TRAF3IP2: variants seen among roughly 807,000 people sequenced by gnomAD.
The protein encoded by TRAF3IP2 is TRAF3 interacting protein 2.
TRAF3IP2 carries 35 observed loss-of-function variants against 57.9 expected under a neutral mutation model. That is an observed-to-expected ratio of 0.60 (90% CI 0.46 to 0.80). The LOEUF is 0.80. TRAF3IP2 is among the 30% of genes least tolerant of loss of function. The probability of loss-of-function intolerance (pLI) is 0.00; values close to 1 mark genes in which losing one functional copy is unlikely to be tolerated. For synonymous variants in TRAF3IP2, 251 were observed against 268.9 expected (o/e 0.93, Z 0.65); for missense variants, 556 against 706.4 (o/e 0.79, Z 2.41).
At chr6:111,581,226 C>T (rs1483086735) in intron 2 of TRAF3IP2, among the ~76,000 whole-genome samples, 1 of 152,174 alleles carries the variant, frequency 6.6e-6, no homozygotes. Flanking sequence ...ATGCAGGGAA[C>T]CAAGTAAGGG....
At chr6:111,596,814 G>A (rs891861918) in intron 1 of TRAF3IP2, among the ~76,000 whole-genome samples, 15 of 152,122 alleles carry the variant, frequency 9.9e-5, no homozygotes, top group African/African-American at 3.6e-4. Flanking sequence ...ACCCAAACTG[G>A]TATTGAACTC....
intron 1 of TRAF3IP2, among the ~76,000 whole-genome samples, chr6:111,598,475 G>A (rs1308040386): frequency 2.0e-5 from 3 of 152,188 alleles, no homozygotes; most frequent in African/African-American, 7.2e-5. Context: ...TAGTATATCT[G>A]TACAATGAGC....
chr6:111,591,521 C>T lies in TRAF3IP2; in HGVS notation c.566G>A (p.Gly189Asp), dbSNP rs138401155. 47 of 1,613,836 alleles carry T rather than the reference C, an allele frequency of 2.9e-5. No homozygotes were observed. In the African/African-American group the frequency reaches 4.9e-4, roughly 17 times the overall value. ...CGTGTCTATGGTTGGCAGATCCAGG[C>T]CTGCTCGGTTCCTGTGAGGCTGGGG... Reference protein sequence around the residue: ...QRPQPHRNRAGLDLPTIDTGY... With the variant: ...QRPQPHRNRADLDLPTIDTGY... The change falls in exon 2 of 9, where the codon GGC (glycine) becomes GAC (aspartate). Residue 189 changes from glycine to aspartate, a missense_variant. Physicochemically the swap from Gly to Asp is moderately conservative, Grantham distance 94. Coordinates refer to ENST00000368761, the MANE Select transcript of TRAF3IP2 (RefSeq NM_147686.4). This position sits in a 1 kb window ranked among gnomAD's most constrained non-coding sequence, Gnocchi z 4.9.
Position 111,567,645 on chromosome 6 carries a change from C to T in TRAF3IP2, c.1338G>A (p.Trp446Ter). 1 of 1,610,202 alleles carries T rather than the reference C, an allele frequency of 6.2e-7. No homozygotes were observed. The highest frequency in any genetic ancestry group is 8.5e-7 in the Non-Finnish European group (1 of 1,178,582). ...TTACATCCCTAAGGTAGCGCTCCAT[C>T]CATTTAATGATATCAATGCCTCGGA... ...DRIRGIDIIK[W>*]MERYLRDKTV... The change falls in exon 6 of 9, where the codon TGG becomes TGA. Residue 446 changes from tryptophan (W) to a stop codon, truncating the protein, a stop_gained. Coordinates refer to ENST00000368761, the MANE Select transcript of TRAF3IP2 (RefSeq NM_147686.4). LOFTEE classifies it high-confidence loss of function.
intron 1 of TRAF3IP2, among the ~76,000 whole-genome samples, chr6:111,595,769 G>A (rs955756086): frequency 1.8e-4 from 27 of 151,530 alleles, no homozygotes; most frequent in Non-Finnish European, 2.9e-4. Context: ...CGGAGGTTGC[G>A]GTGAGCCGAG....
Position 111,559,209 on chromosome 6 carries a change from C to T in TRAF3IP2, c.*196G>A. 1 of 628,452 alleles carries T rather than the reference C, an allele frequency of 1.6e-6. No individual in the cohort carries two copies. The highest frequency in any genetic ancestry group is 2.6e-6 in the Non-Finnish European group (1 of 380,904). The allele number at this position is 628,452 out of a possible 1,614,324, so 38.9% of individuals were successfully genotyped here. A position where few individuals can be genotyped will look rare whatever the true frequency, so the allele number is the denominator to read the frequency against. ...GCAGAGAATGCAGAGCAGTCACAGA[C>T]TCCACTTCAAAGCCAGGGTGTGTGG... On this transcript the variant is annotated 3_prime_UTR_variant, in exon 9 of 9. Coordinates refer to ENST00000368761, the MANE Select transcript of TRAF3IP2 (RefSeq NM_147686.4).
chr6:111,575,709 G>C lies in TRAF3IP2; in HGVS notation c.1135C>G (p.Pro379Ala). The stretch of plus-strand genomic sequence containing the variant: ...GCTGGAGGGTTGCTAGGGGGTCTAG[G>C]CACAGCAGCTGGGGACGGAGGCTGG... ...VPQPPSPAAV[P>A]RPPSNPPARG... The change falls in exon 4 of 9, where the codon CCT becomes GCT. Residue 379 changes from proline (P) to alanine (A), a missense_variant. Pro to Ala is a conservative substitution (Grantham distance 27). This residue lies in a region of TRAF3IP2 where 428 missense variants were observed against 498.7 expected (regional missense o/e 0.86). Coordinates refer to ENST00000368761, the MANE Select transcript of TRAF3IP2 (RefSeq NM_147686.4). The C allele has an allele frequency of 1.2e-6, 2 of 1,613,192 alleles. No individual in the cohort carries two copies. The highest frequency in any genetic ancestry group is 8.5e-7 in the Non-Finnish European group (1 of 1,179,734).
intron 1 of TRAF3IP2, among the ~76,000 whole-genome samples, chr6:111,596,965 T>C (rs746445928): frequency 1.3e-5 from 2 of 152,224 alleles, no homozygotes; most frequent in Admixed American, 6.5e-5. Flanking sequence ...ACCTGGCACA[T>C]AGTAGGTGCT....
At chr6:111,590,841 T>C (rs575363415) in intron 2 of TRAF3IP2, among the ~76,000 whole-genome samples, 10 of 152,172 alleles carry the variant, frequency 6.6e-5, no homozygotes, top group Non-Finnish European at 1.5e-4. Flanking sequence ...TTTTGCTTTG[T>C]TTTTGACTAA....
chr6:111,603,192 C>T (rs1305461563), intron 1 of TRAF3IP2, among the ~76,000 whole-genome samples: 1 of 152,128 alleles, frequency 6.6e-6, no homozygotes, highest in Non-Finnish European at 1.5e-5. Flanking sequence ...CTGCTGGGCA[C>T]GGGAGGCAAA....
At chr6:111,594,184 CCA>C (rs1408846556) in intron 1 of TRAF3IP2, among the ~76,000 whole-genome samples, 4 of 150,438 alleles carry the variant, frequency 2.7e-5, no homozygotes, top group Middle Eastern at 3.2e-3. Flanking sequence ...TGCAATTTTT[CCA>C]CAGTTATGAA....
rs1475239239 is a variant in TRAF3IP2 at position 111,567,381 on chromosome 6, C to T, written c.1359+243G>A. The stretch of plus-strand genomic sequence containing the variant: ...CCTATTCTCGTCAAAAGATTGTTTC[C>T]TCTGATTGTTATCAACCACCTGTGT... On this transcript the variant is annotated intron_variant, in intron 6 of 8. Coordinates refer to ENST00000368761, the MANE Select transcript of TRAF3IP2 (RefSeq NM_147686.4). 5.6e-6 allele frequency: 7 copies of T among 1,246,170 alleles called. No homozygotes were observed. In the East Asian group the frequency reaches 2.1e-4, roughly 37 times the overall value. The allele number at this position is 1,246,170 out of a possible 1,614,324, so 77.2% of individuals were successfully genotyped here. A position where few individuals can be genotyped will look rare whatever the true frequency, so the allele number is the denominator to read the frequency against.
intron 2 of TRAF3IP2, among the ~76,000 whole-genome samples, chr6:111,590,658 C>T (rs925115164): frequency 6.6e-6 from 1 of 151,964 alleles, no homozygotes; most frequent in Non-Finnish European, 1.5e-5. Context: ...ACCATCGCGA[C>T]AAGTAGGGGG....
chr6:111,571,428 T>A (rs1040369838), intron 5 of TRAF3IP2, among the ~76,000 whole-genome samples: 3 of 151,982 alleles, frequency 2.0e-5, no homozygotes, highest in African/African-American at 7.2e-5. Context: ...CCTAGGCTCG[T>A]CCCGAACTCC....
intron 1 of TRAF3IP2, chr6:111,600,257 G>C (rs1796825609): frequency 6.6e-6 from 1 of 152,156 alleles, no homozygotes; most frequent in Non-Finnish European, 1.5e-5. Flanking sequence ...TTTACACCCA[G>C]GTGCTAATAC....
At chr6:111,593,437 C>T (rs982099263) in intron 1 of TRAF3IP2, among the ~76,000 whole-genome samples, 9 of 152,214 alleles carry the variant, frequency 5.9e-5, no homozygotes, top group Admixed American at 2.0e-4. Flanking sequence ...ATCAGGACAG[C>T]ATGCATTTTG....
chr6:111,588,541 G>C (rs983723533), intron 2 of TRAF3IP2, among the ~76,000 whole-genome samples: 1 of 152,232 alleles, frequency 6.6e-6, no homozygotes, highest in Non-Finnish European at 1.5e-5. Flanking sequence ...GTATTTTCCA[G>C]AAGGTCCTGG....
chr6:111,595,282 G>GT (rs1243848305), intron 1 of TRAF3IP2, among the ~76,000 whole-genome samples: 3 of 152,120 alleles, frequency 2.0e-5, no homozygotes, highest in Non-Finnish European at 4.4e-5. Flanking sequence ...TGGCTTTTGA[G>GT]TATTTAGTAA....
chr6:111,583,330 A>G (rs1488085963), intron 2 of TRAF3IP2, among the ~76,000 whole-genome samples: 1 of 152,136 alleles, frequency 6.6e-6, no homozygotes, highest in Non-Finnish European at 1.5e-5. Flanking sequence ...GGGGCTCCCA[A>G]CTCCCAGGCC....
Sources: gnomAD v4.1 joint callset for allele counts (sites outside exome capture counted in the v4.1 genomes callset) on GRCh38, gnomAD v4.1.1 for gene constraint, gnomAD v4.1.1 regional missense constraint, Gnocchi (gnomAD v3.1) non-coding constraint, MANE v1.5 for transcripts, NCBI Gene and HGNC (gene_info 2026-07-23, HGNC 2026-07-21) for gene names.